DHRS12: variants seen among roughly 807,000 people sequenced by gnomAD.
DHRS12 encodes the protein dehydrogenase/reductase 12, also known as dehydrogenase/reductase SDR family member 12.
A neutral mutation model predicts 32.1 loss-of-function variants in DHRS12; 29 were observed. The ratio of observed to expected loss-of-function variants is 0.90; its 90% CI spans 0.67 to 1.23. DHRS12 has a LOEUF of 1.23. DHRS12 is among the 50% of genes most tolerant of loss of function. The pLI, the probability that DHRS12 is intolerant of heterozygous loss-of-function variation, is 0.00. For synonymous variants in DHRS12, 150 were observed against 135.9 expected (o/e 1.10, Z -0.72); for missense variants, 330 against 337.2 (o/e 0.98, Z 0.17).
chr13:51,786,138 T>C (rs1566294058), intron 4 of DHRS12, among the ~76,000 whole-genome samples: 4 of 152,168 alleles, frequency 2.6e-5, no homozygotes. Context: ...ACGACGTACA[T>C]CCTTCCAAAG....
chr13:51,781,510 CG>C (rs1593531156), intron 4 of DHRS12, among the ~76,000 whole-genome samples: 1 of 152,168 alleles, frequency 6.6e-6, no homozygotes, highest in East Asian at 1.9e-4. Flanking sequence ...CACTCACGGT[CG>C]AGGTAAGTGC....
downstream of DHRS12, chr13:51,767,859 G>A: frequency 2.8e-6 from 1 of 363,304 alleles, no homozygotes; most frequent in South Asian, 4.9e-5. Context: ...GGAGTTCACA[G>A]GGGGGCATTC....
chr13:51,783,365 A>C (rs1464616027), intron 4 of DHRS12, among the ~76,000 whole-genome samples: 5 of 152,210 alleles, frequency 3.3e-5, no homozygotes, highest in Non-Finnish European at 1.5e-5. Flanking sequence ...GAGCACCAAG[A>C]AACAATCATA....
chr13:51,777,152 GCTGCAGGAAGCCCCAACTCAAGGGGTC>G (rs1954467176), intron 4 of DHRS12, 31 bp from the exon 5 acceptor site: 2 of 1,613,324 alleles, frequency 1.2e-6, no homozygotes, highest in Non-Finnish European at 1.7e-6. Context: ...CCATGAGGGG[GCTGCAGGAAGCCCCAACTCAAGGGGTC>G]CTGCAGGACT....
chr13:51,756,972 T>A, the DHRS12 span, among the ~76,000 whole-genome samples: 1 of 152,210 alleles, frequency 6.6e-6, no homozygotes, highest in Non-Finnish European at 1.5e-5. Flanking sequence ...TACTTACCCC[T>A]TGGTGTGCTG....
intron 2 of DHRS12, among the ~76,000 whole-genome samples, chr13:51,792,017 G>T (rs1446974670): frequency 6.6e-6 from 1 of 152,204 alleles, no homozygotes; most frequent in Non-Finnish European, 1.5e-5. Flanking sequence ...CATTTAAGTT[G>T]TTTCCACATC....
chr13:51,773,223 GAT>G (rs1253549647), intron 6 of DHRS12, among the ~76,000 whole-genome samples: 1 of 152,154 alleles, frequency 6.6e-6, no homozygotes, highest in Admixed American at 6.5e-5. Context: ...TACATAACGA[GAT>G]ATCTTGGGGA....
In DHRS12 at chr13:51,768,497, G is replaced by A. The variant is rs1953854759; in HGVS notation, c.698-201C>T. On this transcript the variant is annotated intron_variant, in intron 8 of 8. Coordinates refer to ENST00000444610, the MANE Select transcript of DHRS12 (RefSeq NM_001377533.1). The stretch of plus-strand genomic sequence containing the variant: ...ATGTAAAGTGCAGTTTGGGAACTGG[G>A]AGGCTGCAGCCAGGGCTGGACGGGA... The A allele has an allele frequency of 9.2e-6, 13 of 1,420,256 alleles. No homozygotes were observed. The South Asian group carries it at 1.5e-4, about 17-fold the overall frequency. The allele number at this position is 1,420,256 out of a possible 1,614,324, so 88.0% of individuals were successfully genotyped here.
the DHRS12 span, among the ~76,000 whole-genome samples, chr13:51,759,434 C>G: frequency 6.6e-6 from 1 of 152,182 alleles, no homozygotes; most frequent in Non-Finnish European, 1.5e-5. Context: ...GCAGCATTTC[C>G]CTTTTAGTGA....
intron 1 of DHRS12, among the ~76,000 whole-genome samples, chr13:51,801,306 C>T (rs1004720657): frequency 6.6e-6 from 1 of 152,184 alleles, no homozygotes; most frequent in African/African-American, 2.4e-5. Context: ...CCTGTCTCAG[C>T]CTCCTGAGTA....
At chr13:51,789,513 C>T (rs760659645) in intron 4 of DHRS12, 132 of 980,878 alleles carry the variant, frequency 1.3e-4, no homozygotes, top group Non-Finnish European at 1.5e-4. Flanking sequence ...GATGCTGAGG[C>T]TGCTGGTCTG....
chr13:51,778,500 G>A (rs181051901), intron 4 of DHRS12, among the ~76,000 whole-genome samples: 7 of 152,068 alleles, frequency 4.6e-5, no homozygotes, highest in African/African-American at 1.2e-4. Flanking sequence ...TGTATTCACC[G>A]CCGGTGGCTT....
In DHRS12 at chr13:51,769,139, G is replaced by A. The variant is rs891273638; in HGVS notation, c.697+17C>T. On this transcript the variant is annotated intron_variant, in intron 8 of 8. Coordinates refer to ENST00000444610, the MANE Select transcript of DHRS12 (RefSeq NM_001377533.1). ...TAGCCCTGTGTCAGCTGCCTTCACA[G>A]CCAGGGAGGAAGTCACCTTGAAAGA... 4 of 1,548,680 alleles carry A rather than the reference G, an allele frequency of 2.6e-6. No homozygotes were observed. Among genetic ancestry groups the A allele is most frequent in the African/African-American group, 2.7e-5 (2 of 72,982 alleles).
Position 51,804,095 on chromosome 13 carries a change from G to A in DHRS12, c.-50C>T. Reference sequence around the variant, plus strand: ...GCCCCTTGGCGAACCACACGACGCTGCGGTACAGGGACATGCCGGGAGCGC... The same window carrying A: ...GCCCCTTGGCGAACCACACGACGCTACGGTACAGGGACATGCCGGGAGCGC... On this transcript the variant is annotated 5_prime_UTR_variant, in exon 1 of 9. Coordinates refer to ENST00000444610, the MANE Select transcript of DHRS12 (RefSeq NM_001377533.1). 6.7e-7 allele frequency: 1 copy of A among 1,494,796 alleles called. No homozygotes were observed. Among genetic ancestry groups the A allele is most frequent in the Non-Finnish European group, 8.9e-7 (1 of 1,128,928 alleles). 92.6% of individuals were successfully genotyped at this position (1,494,796 alleles called of 1,614,324 possible).
intron 4 of DHRS12, among the ~76,000 whole-genome samples, chr13:51,779,187 A>G (rs1033345687): frequency 6.6e-6 from 1 of 152,146 alleles, no homozygotes; most frequent in Admixed American, 6.5e-5. Flanking sequence ...ACACAGATCC[A>G]AACAGGCCTG....
At chr13:51,779,208 G>C (rs898252383) in intron 4 of DHRS12, among the ~76,000 whole-genome samples, 1 of 152,094 alleles carries the variant, frequency 6.6e-6, no homozygotes, top group African/African-American at 2.4e-5. Flanking sequence ...TCATTAACAC[G>C]TGAGCCAACA....
At chr13:51,799,480 C>T (rs1955654232) in intron 2 of DHRS12, 54 bp downstream of exon 2, 3 of 1,603,210 alleles carry the variant, frequency 1.9e-6, no homozygotes, top group Non-Finnish European at 8.5e-7. Flanking sequence ...CAGTGTGGAC[C>T]GGCCGCAGTC....
At chr13:51,789,902 C>T (rs1955185060) in intron 4 of DHRS12, 109 bp downstream of exon 4, 2 of 1,376,146 alleles carry the variant, frequency 1.5e-6, no homozygotes, top group Non-Finnish European at 1.9e-6. Flanking sequence ...CAAACGTCAT[C>T]AGGCCCAGGA....
At chr13:51,760,118 A>T in the DHRS12 span, 16 of 213,116 alleles carry the variant, frequency 7.5e-5, no homozygotes, top group African/African-American at 2.3e-4. Flanking sequence ...CAGAGAAATA[A>T]GGGAGGTATC....
Sources: allele counts gnomAD v4.1 joint callset (sites outside exome capture counted in the v4.1 genomes callset), GRCh38; gene constraint gnomAD v4.1.1; transcripts MANE v1.5; gene names NCBI Gene and HGNC (gene_info 2026-07-23, HGNC 2026-07-21).